The following GRAMD1C variants were observed in gnomAD, a reference collection of about 807,000 sequenced individuals.
The protein encoded by GRAMD1C is GRAM domain containing 1C, also known as protein Aster-C.
Under a neutral mutation model 97.8 loss-of-function variants are expected in GRAMD1C, and 89 were observed. The ratio of observed to expected loss-of-function variants is 0.91; its 90% CI spans 0.77 to 1.09. The LOEUF (loss-of-function observed/expected upper bound fraction) is 1.09. Ranked by LOEUF, GRAMD1C falls within the 50% of genes least tolerant of loss-of-function variation. The pLI is 0.00. For synonymous variants in GRAMD1C, 256 were observed against 267.0 expected, an observed-to-expected ratio of 0.96 and a Z score of 0.40; for missense variants, 740 against 766.4, an observed-to-expected ratio of 0.97 and a Z score of 0.41.
chr3:113,869,828 A>G (rs1261619990), intron 3 of GRAMD1C, among the ~76,000 whole-genome samples: 1 of 152,222 alleles, frequency 6.6e-6, no homozygotes, highest in African/African-American at 2.4e-5. Context: ...TATTGACAAT[A>G]CCGAAGATAT....
intron 3 of GRAMD1C, among the ~76,000 whole-genome samples, chr3:113,874,597 G>A (rs1271895719): frequency 2.0e-5 from 3 of 152,216 alleles, no homozygotes; most frequent in East Asian, 1.9e-4. Context: ...CGCTGGCCTC[G>A]GCCTCCCAAA....
chr3:113,938,005 CAAAAAAA>C (rs5851908), intron 14 of GRAMD1C, 74 bp from the exon 15 acceptor site: 2 of 508,144 alleles, frequency 3.9e-6, no homozygotes, highest in South Asian at 2.4e-5. Flanking sequence ...AACTCCTTCT[CAAAAAAA>C]AAAAAAAAAA....
chr3:113,866,774 GTTA>G (rs1934600622), intron 2 of GRAMD1C, among the ~76,000 whole-genome samples: 2 of 151,224 alleles, frequency 1.3e-5, no homozygotes, highest in Non-Finnish European at 2.9e-5. Flanking sequence ...TTCAACTAAT[GTTA>G]TTATCCCATA....
At chr3:113,892,860 C>T (rs1935791603) in intron 6 of GRAMD1C, among the ~76,000 whole-genome samples, 2 of 152,000 alleles carry the variant, frequency 1.3e-5, no homozygotes, top group Non-Finnish European at 2.9e-5. Context: ...TTTGTGCCAG[C>T]CCCCATCCGT....
At chr3:113,886,139 C>T (rs935431745) in intron 6 of GRAMD1C, 39 of 1,472,556 alleles carry the variant, frequency 2.6e-5, no homozygotes, top group African/African-American at 5.5e-5. Flanking sequence ...ACTGCCTGGG[C>T]AGGGTCTGCC....
chr3:113,853,800 T>C (rs954716493), intron 2 of GRAMD1C, among the ~76,000 whole-genome samples: 2 of 150,830 alleles, frequency 1.3e-5, no homozygotes, highest in Admixed American at 1.3e-4. Flanking sequence ...TGGGAGGGAG[T>C]AGCATTTTTA....
intron 1 of GRAMD1C, among the ~76,000 whole-genome samples, chr3:113,841,705 T>G (rs1026336987): frequency 6.6e-6 from 1 of 151,950 alleles, no homozygotes; most frequent in Non-Finnish European, 1.5e-5. Flanking sequence ...TCTCACTGTT[T>G]TGTTTATTTT....
chr3:113,872,025 G>A (rs906814750), intron 3 of GRAMD1C, among the ~76,000 whole-genome samples: 3 of 152,202 alleles, frequency 2.0e-5, no homozygotes, highest in Non-Finnish European at 2.9e-5. Flanking sequence ...TCTAGAACTC[G>A]ATGAATTTCT....
intron 6 of GRAMD1C, among the ~76,000 whole-genome samples, chr3:113,888,871 G>A (rs1034011128): frequency 1.3e-5 from 2 of 152,192 alleles, no homozygotes; most frequent in Admixed American, 6.5e-5. Flanking sequence ...CCAAAAAGTA[G>A]AAACAATCCA....
chr3:113,855,426 G>T (rs1934082042), intron 2 of GRAMD1C, among the ~76,000 whole-genome samples: 1 of 152,090 alleles, frequency 6.6e-6, no homozygotes, highest in Admixed American at 6.6e-5. Flanking sequence ...GATTTTGGCC[G>T]GCCACAGTGG....
intron 6 of GRAMD1C, among the ~76,000 whole-genome samples, chr3:113,889,662 T>A (rs936847059): frequency 1.6e-4 from 24 of 151,308 alleles, no homozygotes; most frequent in African/African-American, 5.6e-4. Flanking sequence ...TTTTTCGAGA[T>A]GGAGTTTTGC....
intron 9 of GRAMD1C, among the ~76,000 whole-genome samples, chr3:113,913,801 T>C (rs1031294022): frequency 2.6e-5 from 4 of 152,222 alleles, no homozygotes; most frequent in African/African-American, 9.6e-5. Context: ...TCTGTGTTTT[T>C]ACTTTTTTAA....
At chr3:113,932,750 G>A (rs887640100) in intron 11 of GRAMD1C, among the ~76,000 whole-genome samples, 1 of 152,172 alleles carries the variant, frequency 6.6e-6, no homozygotes, top group Non-Finnish European at 1.5e-5. Flanking sequence ...CTGTCACTCA[G>A]GCTGGAGTGT....
intron 10 of GRAMD1C, among the ~76,000 whole-genome samples, chr3:113,924,193 T>G (rs1937158057): frequency 6.6e-6 from 1 of 151,916 alleles, no homozygotes; most frequent in Admixed American, 6.6e-5. Flanking sequence ...GCTAGTGGTC[T>G]ATTAATCTTA....
chr3:113,887,719 A>G (rs1935568023), intron 6 of GRAMD1C, among the ~76,000 whole-genome samples: 1 of 150,914 alleles, frequency 6.6e-6, no homozygotes, highest in Non-Finnish European at 1.5e-5. Context: ...AAAAAAAAAA[A>G]AAAAAAAAAG....
At chr3:113,936,206 T>C in intron 13 of GRAMD1C, 60 bp from the exon 14 acceptor site, 1 of 952,658 alleles carries the variant, frequency 1.0e-6, no homozygotes, top group Non-Finnish European at 1.6e-6. Flanking sequence ...CCAAAACCCA[T>C]TGTATCTTAT....
chr3:113,885,383 G>C, intron 6 of GRAMD1C: 5 of 1,584,766 alleles, frequency 3.2e-6, no homozygotes, highest in Non-Finnish European at 3.5e-6. Context: ...TACCTTTTGC[G>C]GGGGCAGATC....
chr3:113,901,612 G>A (rs567086818), intron 7 of GRAMD1C, among the ~76,000 whole-genome samples: 1 of 152,280 alleles, frequency 6.6e-6, no homozygotes, highest in Admixed American at 6.5e-5. Context: ...GCAAATAATT[G>A]TAATACAAGG....
intron 1 of GRAMD1C, among the ~76,000 whole-genome samples, chr3:113,844,234 C>G (rs1389425686): frequency 6.6e-6 from 1 of 151,980 alleles, no homozygotes; most frequent in East Asian, 1.9e-4. Flanking sequence ...TTGAAGGCTG[C>G]AGTGAGCTAT....
Sources: gnomAD v4.1 joint callset for allele counts (sites outside exome capture counted in the v4.1 genomes callset) on GRCh38, gnomAD v4.1.1 for gene constraint, MANE v1.5 for transcripts, NCBI Gene and HGNC (gene_info 2026-07-23, HGNC 2026-07-21) for gene names.